The following TLK1 variants were observed in gnomAD, a reference collection of about 807,000 sequenced individuals.
The protein encoded by TLK1 is tousled like kinase 1.
In TLK1, 24 loss-of-function variants were observed where a neutral mutation model predicts 105.3. That is an observed-to-expected ratio of 0.23 (90% CI 0.17 to 0.32). TLK1 has a LOEUF of 0.32. Ranked by LOEUF, TLK1 falls within the 10% of genes least tolerant of loss-of-function variation. TLK1 has a pLI of 1.00. For synonymous variants in TLK1, 321 were observed against 310.4 expected (o/e 1.03, Z -0.36); for missense variants, 558 against 910.5 (o/e 0.61, Z 4.98).
At chr2:171,175,919 G>GT (rs113219656) in intron 1 of TLK1, among the ~76,000 whole-genome samples, 136 of 148,502 alleles carry the variant, frequency 9.2e-4, no homozygotes, top group Middle Eastern at 7.0e-3. Flanking sequence ...GGATATCAAG[G>GT]TTTTTTTTTT....
chr2:171,159,941 TGA>T (rs1163997034), intron 1 of TLK1: 2 of 212,532 alleles, frequency 9.4e-6, no homozygotes, highest in African/African-American at 4.6e-5. Flanking sequence ...TTAAGAGTAC[TGA>T]GTGTACTGGC....
intron 1 of TLK1, among the ~76,000 whole-genome samples, chr2:171,201,192 CATTTT>C (rs1693391914): frequency 6.6e-6 from 1 of 151,954 alleles, no homozygotes; most frequent in Non-Finnish European, 1.5e-5. Context: ...CCTCAAATCC[CATTTT>C]TATATTATCT....
At chr2:171,015,711 A>ACT (rs1559343636) in intron 12 of TLK1, among the ~76,000 whole-genome samples, 1 of 91,248 alleles carries the variant, frequency 1.1e-5, no homozygotes, top group African/African-American at 2.8e-5. Context: ...ATACACACAC[A>ACT]CACACACACA....
chr2:171,131,864 T>G (rs1691118818), intron 1 of TLK1, among the ~76,000 whole-genome samples: 1 of 152,152 alleles, frequency 6.6e-6, no homozygotes, highest in Admixed American at 6.5e-5. Flanking sequence ...GAGATTACAT[T>G]TTATACAGTG....
At chr2:171,085,111 T>C (rs1342451507) in intron 2 of TLK1, among the ~76,000 whole-genome samples, 2 of 152,144 alleles carry the variant, frequency 1.3e-5, no homozygotes, top group Non-Finnish European at 2.9e-5. Context: ...CTCTGATGGC[T>C]GGGCACAGTG....
intron 11 of TLK1, among the ~76,000 whole-genome samples, chr2:171,029,379 CAGCACTCTGG>C (rs1355717058): frequency 2.0e-5 from 3 of 152,208 alleles, no homozygotes; most frequent in Non-Finnish European, 4.4e-5. Context: ...CCTGTAATCC[CAGCACTCTGG>C]GAGGCTGAGG....
intron 3 of TLK1, among the ~76,000 whole-genome samples, chr2:171,077,847 A>C (rs1688581791): frequency 6.6e-6 from 1 of 152,240 alleles, no homozygotes; most frequent in Non-Finnish European, 1.5e-5. Context: ...CAGCTTCTGG[A>C]AATTTTCATT....
At chr2:171,013,762 G>A (rs748133597) in intron 13 of TLK1, among the ~76,000 whole-genome samples, 1 of 152,216 alleles carries the variant, frequency 6.6e-6, no homozygotes, top group African/African-American at 2.4e-5. Context: ...ACAGAAATTG[G>A]CCACTTCCTA....
chr2:171,082,733 T>G, intron 3 of TLK1, 48 bp downstream of exon 3: 1 of 1,392,434 alleles, frequency 7.2e-7, no homozygotes, highest in Non-Finnish European at 1.0e-6. Flanking sequence ...AAAACGGTGA[T>G]TCCAGCTTTT....
At position 171,007,629 on chromosome 2, in the gene TLK1, A is replaced by G. The variant is rs111748796; in HGVS notation, c.1417-566T>C. 3.8e-3 allele frequency among the ~76,000 whole-genome samples: 574 copies of G among 152,124 alleles called. 6 individuals are homozygous for G. Among genetic ancestry groups the G allele is most frequent in the African/African-American group, 0.013 (528 of 41,538 alleles). On this transcript the variant is annotated intron_variant, in intron 14 of 20. Transcript: ENST00000431350. ...TACCATCCAGTTTCAAAAATTACCAATATGTTGCCATTCTTGTTTCATCTA... is the reference window on the plus strand; with the variant it reads ...TACCATCCAGTTTCAAAAATTACCAGTATGTTGCCATTCTTGTTTCATCTA...
chr2:171,230,782 C>A (rs904733933), intron 1 of TLK1, among the ~76,000 whole-genome samples: 2 of 152,146 alleles, frequency 1.3e-5, no homozygotes, highest in African/African-American at 2.4e-5. Context: ...GATGTCAGAA[C>A]TTTTGAACAT....
intron 3 of TLK1, among the ~76,000 whole-genome samples, chr2:171,077,472 G>C (rs1357406425): frequency 1.3e-5 from 2 of 152,192 alleles, no homozygotes; most frequent in African/African-American, 2.4e-5. Flanking sequence ...TCTGCCAAAA[G>C]CAGTCAATAT....
At chr2:171,224,026 C>T (rs1260419033) in intron 1 of TLK1, among the ~76,000 whole-genome samples, 15 of 152,104 alleles carry the variant, frequency 9.9e-5, no homozygotes, top group East Asian at 9.7e-4. Context: ...GTCTTTGCCC[C>T]GACCAATGCT....
chr2:171,150,838 G>T (rs569976341), intron 1 of TLK1, among the ~76,000 whole-genome samples: 1 of 152,126 alleles, frequency 6.6e-6, no homozygotes, highest in Non-Finnish European at 1.5e-5. Context: ...TAACAAAGTC[G>T]TGTTGTTATT....
At chr2:171,220,914 C>A (rs1693798532) in intron 1 of TLK1, among the ~76,000 whole-genome samples, 1 of 152,042 alleles carries the variant, frequency 6.6e-6, no homozygotes, top group Admixed American at 6.6e-5. Context: ...CACAGAGAGG[C>A]CAGGCTCACG....
chr2:170,997,235 G>A (rs1575495723), intron 19 of TLK1, among the ~76,000 whole-genome samples: 1 of 152,144 alleles, frequency 6.6e-6, no homozygotes, highest in East Asian at 1.9e-4. Flanking sequence ...GGGATGGGGT[G>A]GGATGTGGGC....
intron 2 of TLK1, among the ~76,000 whole-genome samples, chr2:171,101,472 G>A (rs1689689192): frequency 6.6e-6 from 1 of 152,124 alleles, no homozygotes; most frequent in South Asian, 2.1e-4. Context: ...AGGCAATGCA[G>A]TGTAGGCTAG....
intron 11 of TLK1, among the ~76,000 whole-genome samples, chr2:171,034,765 T>C (rs1037830503): frequency 1.3e-5 from 2 of 152,158 alleles, no homozygotes; most frequent in African/African-American, 4.8e-5. Flanking sequence ...AAAAATGTTA[T>C]CACTAGGAAA....
At chr2:171,206,794 A>G (rs1693516290) in intron 1 of TLK1, among the ~76,000 whole-genome samples, 6 of 152,250 alleles carry the variant, frequency 3.9e-5, no homozygotes, top group Admixed American at 1.3e-4. Flanking sequence ...TAAGCATATG[A>G]AAAGATGTTC....
Sources: gnomAD v4.1 joint callset for allele counts (sites outside exome capture counted in the v4.1 genomes callset) on GRCh38, gnomAD v4.1.1 for gene constraint, MANE v1.5 for transcripts, NCBI Gene and HGNC (gene_info 2026-07-23, HGNC 2026-07-21) for gene names.